Variants in SPDEF observed in about 807,000 individuals in gnomAD.
SPDEF encodes the protein SAM pointed domain-containing Ets transcription factor.
In SPDEF, 12 loss-of-function variants were observed where a neutral mutation model predicts 36.0. That is an observed-to-expected ratio of 0.33 (90% CI 0.21 to 0.54). The LOEUF (loss-of-function observed/expected upper bound fraction) is 0.54. Among genes scored for constraint, SPDEF ranks in the 20% least tolerant of loss-of-function variants. The pLI is 0.93. For synonymous variants in SPDEF, 205 were observed against 193.0 expected, an observed-to-expected ratio of 1.06 and a Z score of -0.51; for missense variants, 388 against 456.9, an observed-to-expected ratio of 0.85 and a Z score of 1.37.
At chr6:34,546,602 T>C (rs562509147) in intron 1 of SPDEF, among the ~76,000 whole-genome samples, 2 of 152,164 alleles carry the variant, frequency 1.3e-5, no homozygotes, top group African/African-American at 4.8e-5. Flanking sequence ...GGAGCCTAGG[T>C]AGAATTTCAG....
intron 2 of SPDEF, 64 bp from the exon 3 acceptor site, chr6:34,541,245 C>T: frequency 6.8e-7 from 1 of 1,467,522 alleles, no homozygotes; most frequent in Non-Finnish European, 9.2e-7. Context: ...TGTGATGGGG[C>T]ACCCATGGGA....
intron 2 of SPDEF, among the ~76,000 whole-genome samples, chr6:34,543,142 G>A (rs1398226009): frequency 3.9e-5 from 5 of 126,808 alleles, no homozygotes; most frequent in African/African-American, 1.5e-4. Flanking sequence ...CAGTGAGTGA[G>A]CCGAGATTGC....
At chr6:34,542,288 C>T (rs1767839184) in intron 2 of SPDEF, among the ~76,000 whole-genome samples, 1 of 152,212 alleles carries the variant, frequency 6.6e-6, no homozygotes, top group African/African-American at 2.4e-5. Context: ...AGATGAGGGA[C>T]ATGGGTCAGG....
rs987364491 is a variant in SPDEF, at chr6:34,555,892, C to T, written c.-30+37G>A. On this transcript the variant is annotated intron_variant, in intron 1 of 5. Transcript: ENST00000374037. This position sits in a 1 kb window ranked among gnomAD's most constrained non-coding sequence, Gnocchi z 5.2. ...CACCCCCCAGCTGGCAGGGAAAGAC[C>T]CCATGCCAGGGTACCCCCACCTCCT... The T allele has an allele frequency of 8.5e-5, 13 of 152,672 alleles. No individual in the cohort carries two copies. Among genetic ancestry groups the T allele is most frequent in the African/African-American group, 3.1e-4 (13 of 41,398 alleles). The allele number at this position is 152,672 out of a possible 1,614,324, so 9.5% of individuals were successfully genotyped here. A position where few individuals can be genotyped will look rare whatever the true frequency, so the allele number is the denominator to read the frequency against.
At chr6:34,545,039 C>T (rs905868785) in intron 1 of SPDEF, among the ~76,000 whole-genome samples, 3 of 152,202 alleles carry the variant, frequency 2.0e-5, no homozygotes, top group Non-Finnish European at 2.9e-5. Flanking sequence ...CCCTCCCACA[C>T]GCCGGGGAGT....
At chr6:34,553,838 C>T (rs999462212) in intron 1 of SPDEF, among the ~76,000 whole-genome samples, 1 of 151,922 alleles carries the variant, frequency 6.6e-6, no homozygotes, top group Non-Finnish European at 1.5e-5. Context: ...GTCCAGGCAG[C>T]TGCAGGCTTC....
chr6:34,550,983 G>A (rs934036103), intron 1 of SPDEF, among the ~76,000 whole-genome samples: 2 of 152,240 alleles, frequency 1.3e-5, no homozygotes, highest in African/African-American at 4.8e-5. Flanking sequence ...TGGGACAGGA[G>A]GAAGGTCAAA....
intron 1 of SPDEF, among the ~76,000 whole-genome samples, chr6:34,547,445 A>G (rs1471689840): frequency 2.0e-5 from 3 of 152,142 alleles, no homozygotes; most frequent in Admixed American, 6.5e-5. Context: ...GGCTCACTGC[A>G]GCCTCGACCT....
At position 34,539,241 on chromosome 6, in the gene SPDEF, C is replaced by A. The variant is rs1420026468; in HGVS notation, c.829+9G>T. 2.5e-6 allele frequency: 4 copies of A among 1,613,242 alleles called. No individual in the cohort carries two copies. Among genetic ancestry groups the A allele is most frequent in the Admixed American group, 1.7e-5 (1 of 59,974 alleles). On this transcript the variant is annotated intron_variant, in intron 5 of 5. Transcript: ENST00000374037. This position sits in a 1 kb window ranked among gnomAD's most constrained non-coding sequence, Gnocchi z 5.2. ...TGGCCCTGCAGCGCCCCTTGGGCAC[C>A]CTGCTCACCCTTCTCCTTGTTGAGC... is the stretch of plus-strand genomic sequence containing the variant.
chr6:34,549,622 C>T (rs1768019624), intron 1 of SPDEF, among the ~76,000 whole-genome samples: 1 of 152,182 alleles, frequency 6.6e-6, no homozygotes, highest in Non-Finnish European at 1.5e-5. Context: ...CGGGTTGGAG[C>T]CTGTCTTCCA....
intron 1 of SPDEF, among the ~76,000 whole-genome samples, chr6:34,550,063 G>T (rs1447061220): frequency 6.6e-6 from 1 of 152,222 alleles, no homozygotes; most frequent in Admixed American, 6.5e-5. Flanking sequence ...TTGGAGAAAA[G>T]CTGGGCTACC....
intron 1 of SPDEF, among the ~76,000 whole-genome samples, chr6:34,553,300 T>C (rs1314321012): frequency 1.3e-5 from 2 of 151,830 alleles, no homozygotes; most frequent in African/African-American, 4.8e-5. Context: ...AGAAGGAGCT[T>C]GGCATTAAAT....
intron 2 of SPDEF, 36 bp downstream of exon 2, chr6:34,543,984 C>T: frequency 3.1e-6 from 5 of 1,590,200 alleles, no homozygotes; most frequent in Non-Finnish European, 4.3e-6. Flanking sequence ...TGCCTGTGAC[C>T]CATCTTACGG....
intron 1 of SPDEF, among the ~76,000 whole-genome samples, chr6:34,553,466 CT>C (rs1286208251): frequency 6.6e-6 from 1 of 152,300 alleles, no homozygotes; most frequent in East Asian, 1.9e-4. Context: ...GGTTTGATCC[CT>C]GACTCTCTGC....
In SPDEF at chr6:34,539,883, C is replaced by T. The variant is rs898621984; in HGVS notation, c.635-321G>A. Among the ~76,000 whole-genome samples the T allele has an allele frequency of 5.9e-5, 9 of 152,212 alleles. No homozygotes were observed. Among genetic ancestry groups the T allele is most frequent in the African/African-American group, 2.2e-4 (9 of 41,452 alleles). Reference sequence around the variant, plus strand: ...TCTGACAGGGTCCTATGAGTTGGTCCTGTTTCTTACTCCTTGACTCAGGCA... The same window carrying T: ...TCTGACAGGGTCCTATGAGTTGGTCTTGTTTCTTACTCCTTGACTCAGGCA... On this transcript the variant is annotated intron_variant, in intron 3 of 5. Transcript: ENST00000374037. The surrounding 1 kb of genome is among the most constrained non-coding windows in gnomAD (Gnocchi z 5.2).
In SPDEF at chr6:34,539,671, G is replaced by T. The variant is rs1767777414; in HGVS notation, c.635-109C>A. 7.5e-7 allele frequency: 1 copy of T among 1,328,766 alleles called. No homozygotes were observed. Among genetic ancestry groups the T allele is most frequent in the African/African-American group, 1.5e-5 (1 of 68,362 alleles). The allele number at this position is 1,328,766 out of a possible 1,614,324, so 82.3% of individuals were successfully genotyped here. A position where few individuals can be genotyped will look rare whatever the true frequency, so the allele number is the denominator to read the frequency against. ...CCACAGGAGCCCCTCTGTGGCTGGGGGTTGCCCCTGTGGCTCCCTGCCTCC... is the reference window on the plus strand; with the variant it reads ...CCACAGGAGCCCCTCTGTGGCTGGGTGTTGCCCCTGTGGCTCCCTGCCTCC... On this transcript the variant is annotated intron_variant, in intron 3 of 5. Transcript: ENST00000374037. The surrounding 1 kb of genome is among the most constrained non-coding windows in gnomAD (Gnocchi z 5.2).
chr6:34,538,011 G>A lies in SPDEF; in HGVS notation c.*263C>T. On this transcript the variant is annotated 3_prime_UTR_variant, in exon 6 of 6. Coordinates refer to ENST00000374037, the MANE Select transcript of SPDEF (RefSeq NM_012391.3). This position sits in a 1 kb window ranked among gnomAD's most constrained non-coding sequence, Gnocchi z 5.9. Reference sequence around the variant, plus strand: ...CTGGAAATGCTGGGGTCAGAGGCAGGTGTTGGGGAGCAGCCCTGTCTCCCT... The same window carrying A: ...CTGGAAATGCTGGGGTCAGAGGCAGATGTTGGGGAGCAGCCCTGTCTCCCT... The A allele has an allele frequency of 2.3e-6, 1 of 441,618 alleles. No individual in the cohort carries two copies. Among genetic ancestry groups the A allele is most frequent in the Non-Finnish European group, 4.1e-6 (1 of 243,362 alleles). The allele number at this position is 441,618 out of a possible 1,614,324, so 27.4% of individuals were successfully genotyped here.
chr6:34,538,477 G>A lies in SPDEF; in HGVS notation c.830-25C>T. 6.3e-7 allele frequency: 1 copy of A among 1,593,432 alleles called. No individual in the cohort carries two copies. Among genetic ancestry groups the A allele is most frequent in the South Asian group, 1.1e-5 (1 of 89,306 alleles). On this transcript the variant is annotated intron_variant, in intron 5 of 5. Transcript: ENST00000374037. The surrounding 1 kb of genome is among the most constrained non-coding windows in gnomAD (Gnocchi z 5.9). ...CCTAGAGCAGGAGGGCCCCGAGAGA[G>A]CCAGTGGTATGAGTGAGGTGGCAAG...
chr6:34,540,687 TAG>T (rs1767799436), intron 3 of SPDEF, among the ~76,000 whole-genome samples: 2 of 152,156 alleles, frequency 1.3e-5, no homozygotes, highest in Non-Finnish European at 2.9e-5. Flanking sequence ...AAGGACTTCC[TAG>T]TATCCACGGT....
Sources: gnomAD v4.1 joint callset for allele counts (sites outside exome capture counted in the v4.1 genomes callset) on GRCh38, gnomAD v4.1.1 for gene constraint, Gnocchi (gnomAD v3.1) non-coding constraint, MANE v1.5 for transcripts, NCBI Gene and HGNC (gene_info 2026-07-23, HGNC 2026-07-21) for gene names.